The following STEAP3 variants were observed in gnomAD, a reference collection of about 807,000 sequenced individuals.
The protein encoded by STEAP3 is metalloreductase STEAP3.
STEAP3 carries 35 observed loss-of-function variants against 34.9 expected under a neutral mutation model. The observed-to-expected ratio is 1.00, with a 90% CI of 0.76 to 1.33. The LOEUF is 1.33. Among genes scored for constraint, STEAP3 ranks in the 40% most tolerant of loss-of-function variants. The pLI is 0.00. For missense variants in STEAP3, 652 were observed against 667.6 expected (o/e 0.98, Z 0.26); for synonymous variants, 281 against 301.6 (o/e 0.93, Z 0.71).
At chr2:119,230,065 A>G (rs1573536948) in intron 1 of STEAP3, among the ~76,000 whole-genome samples, 1 of 152,308 alleles carries the variant, frequency 6.6e-6, no homozygotes, top group South Asian at 2.1e-4. Context: ...CAGGTTCTGC[A>G]TGTGGGCTTG....
intron 2 of STEAP3, 35 bp from the exon 3 acceptor site, chr2:119,245,454 C>T (rs761382284): frequency 1.3e-6 from 2 of 1,548,094 alleles, no homozygotes; most frequent in East Asian, 4.5e-5. Flanking sequence ...AGTCCAGGAG[C>T]CCTCCACTGA....
At chr2:119,230,475 G>T (rs1054831313) in intron 1 of STEAP3, 145 bp from the exon 2 acceptor site, 2 of 162,464 alleles carry the variant, frequency 1.2e-5, no homozygotes, top group African/African-American at 4.8e-5. Context: ...TAAGCCAGTG[G>T]CAGCCATGGT....
intron 2 of STEAP3, among the ~76,000 whole-genome samples, chr2:119,243,225 A>T (rs1484220561): frequency 2.0e-5 from 3 of 152,204 alleles, no homozygotes; most frequent in African/African-American, 7.2e-5. Flanking sequence ...GAAGTTTCCC[A>T]TGCTGGCAGA....
Position 119,231,003 on chromosome 2 carries a change from C to A in STEAP3, c.-10C>A, listed in dbSNP as rs536029222. Reference sequence around the variant, plus strand: ...GTGACCTGAGAGCCTCAGACCCTCACGTCAGCCGGATGTCGCACCAGCCTG... The same window carrying A: ...GTGACCTGAGAGCCTCAGACCCTCAAGTCAGCCGGATGTCGCACCAGCCTG... On this transcript the variant is annotated 5_prime_UTR_variant, in exon 2 of 6. Coordinates refer to ENST00000393110, the MANE Select transcript of STEAP3 (RefSeq NM_182915.3). The A allele has an allele frequency of 1.6e-5, 26 of 1,614,128 alleles. No homozygotes were observed. The highest frequency in any genetic ancestry group is 1.9e-5 in the Non-Finnish European group (23 of 1,180,058).
chr2:119,238,476 G>A (rs750627211), intron 2 of STEAP3, among the ~76,000 whole-genome samples: 6 of 152,160 alleles, frequency 3.9e-5, no homozygotes, highest in Non-Finnish European at 8.8e-5. Flanking sequence ...ACTTTATGTA[G>A]GTTGTTTGTC....
At chr2:119,255,404 A>G (rs1241205982) in intron 5 of STEAP3, among the ~76,000 whole-genome samples, 1 of 152,180 alleles carries the variant, frequency 6.6e-6, no homozygotes, top group Non-Finnish European at 1.5e-5. Context: ...TGCCATTCCT[A>G]TGAAAAAATC....
At chr2:119,249,941 A>G (rs1478453915) in intron 4 of STEAP3, among the ~76,000 whole-genome samples, 1 of 152,220 alleles carries the variant, frequency 6.6e-6, no homozygotes, top group Non-Finnish European at 1.5e-5. Context: ...AACCATTCTA[A>G]GAGCTTCGTA....
intron 1 of STEAP3, among the ~76,000 whole-genome samples, chr2:119,225,753 G>T (rs1224588940): frequency 6.6e-6 from 1 of 152,260 alleles, no homozygotes; most frequent in Non-Finnish European, 1.5e-5. Context: ...TTTGGAGTCA[G>T]ATGGACGAGT....
Position 119,263,229 on chromosome 2 carries a change from G to A in STEAP3, c.1388G>A (p.Cys463Tyr), listed in dbSNP as rs780769514. 4 of 1,614,154 alleles carry A rather than the reference G, an allele frequency of 2.5e-6. No homozygotes were observed. In the East Asian group the frequency reaches 6.7e-5, roughly 27 times the overall value. The change falls in exon 6 of 6, where the codon TGC (cysteine) becomes TAC (tyrosine). Residue 463 changes from cysteine (C) to tyrosine (Y), a missense_variant. Transcript: ENST00000393110. ...ILAKALFLLP[C>Y]ISRRLARIRR... ...GCCAAAGCCCTGTTTCTCCTGCCCT[G>A]CATCAGCCGCAGACTCGCCAGGATC... is the stretch of plus-strand genomic sequence containing the variant.
intron 2 of STEAP3, among the ~76,000 whole-genome samples, chr2:119,236,895 C>T (rs954693883): frequency 6.6e-6 from 1 of 152,152 alleles, no homozygotes; most frequent in Non-Finnish European, 1.5e-5. Context: ...AGAGAAATAG[C>T]TGTGTGAGCA....
Position 119,242,438 on chromosome 2 carries a change from G to T in STEAP3, c.23-3051G>T, listed in dbSNP as rs981774329. ...GAGAAGAGGGATTTGAATTCACCTC[G>T]GCCCAAATTGCAGATGCTGGCCTGC... On this transcript the variant is annotated intron_variant, in intron 2 of 5. Coordinates refer to ENST00000393110, the MANE Select transcript of STEAP3 (RefSeq NM_182915.3). 3.3e-5 allele frequency among the ~76,000 whole-genome samples: 5 copies of T among 152,070 alleles called. No homozygotes were observed. In the East Asian group the frequency reaches 5.8e-4, roughly 18 times the overall value.
At chr2:119,249,597 G>A (rs1324236773) in intron 4 of STEAP3, among the ~76,000 whole-genome samples, 1 of 152,096 alleles carries the variant, frequency 6.6e-6, no homozygotes, top group Non-Finnish European at 1.5e-5. Flanking sequence ...ACCTTGGTGA[G>A]GCTGGGCCCT....
At chr2:119,262,993 G>A (rs1333721649) in intron 5 of STEAP3, 64 bp from the exon 6 acceptor site, 14 of 1,575,608 alleles carry the variant, frequency 8.9e-6, no homozygotes, top group South Asian at 8.0e-5. Context: ...CAGATGAGTC[G>A]TTGGCAGGAT....
intron 4 of STEAP3, chr2:119,248,901 A>T (rs1677536505): frequency 6.5e-6 from 1 of 152,794 alleles, no homozygotes; most frequent in Non-Finnish European, 1.5e-5. Context: ...GGGGCCAGCG[A>T]GGAAGCCGTG....
At chr2:119,258,461 C>T (rs919744009) in intron 5 of STEAP3, among the ~76,000 whole-genome samples, 10 of 152,282 alleles carry the variant, frequency 6.6e-5, no homozygotes, top group Admixed American at 2.0e-4. Context: ...GTTTGAACAC[C>T]TCAGACACTT....
chr2:119,250,388 G>T (rs1053608013), intron 4 of STEAP3, among the ~76,000 whole-genome samples: 1 of 152,224 alleles, frequency 6.6e-6, no homozygotes, highest in African/African-American at 2.4e-5. Context: ...GCAAGTCACA[G>T]CCCCTCTTTT....
At chr2:119,231,634 G>A (rs574827784) in intron 2 of STEAP3, among the ~76,000 whole-genome samples, 35 of 152,152 alleles carry the variant, frequency 2.3e-4, no homozygotes, top group African/African-American at 6.5e-4. Context: ...AAACTTGCGC[G>A]CACGTGTATT....
intron 5 of STEAP3, chr2:119,257,731 G>C: frequency 7.2e-7 from 1 of 1,384,638 alleles, no homozygotes. Flanking sequence ...TGGCTAGTGA[G>C]AAGTTACCTG....
Position 119,263,240 on chromosome 2 carries a change from A to G in STEAP3, c.1399A>G (p.Arg467Gly). ...GTTTCTCCTGCCCTGCATCAGCCGCAGACTCGCCAGGATCCGGAGAGGCTG... is the reference window on the plus strand; with the variant it reads ...GTTTCTCCTGCCCTGCATCAGCCGCGGACTCGCCAGGATCCGGAGAGGCTG... Reference protein sequence around the residue: ...ALFLLPCISRRLARIRRGWER... With the variant: ...ALFLLPCISRGLARIRRGWER... Residue 467 changes from arginine to glycine, a missense_variant, in exon 6 of 6, where the codon AGA (arginine) becomes GGA (glycine). Physicochemically the swap from Arg to Gly is moderately radical, Grantham distance 125. Transcript: ENST00000393110. 1 of 1,614,110 alleles carries G rather than the reference A, an allele frequency of 6.2e-7. No individual in the cohort carries two copies. Among genetic ancestry groups the G allele is most frequent in the Non-Finnish European group, 8.5e-7 (1 of 1,180,034 alleles).
Sources: allele counts gnomAD v4.1 joint callset (sites outside exome capture counted in the v4.1 genomes callset), GRCh38; gene constraint gnomAD v4.1.1; transcripts MANE v1.5; gene names NCBI Gene and HGNC (gene_info 2026-07-23, HGNC 2026-07-21).